The following EIF3E variants were observed in gnomAD, a reference collection of about 807,000 sequenced individuals.
The protein encoded by EIF3E is eIF-3 p48.
In EIF3E, 25 loss-of-function variants were observed where a neutral mutation model predicts 59.3. The observed-to-expected ratio is 0.42, with a 90% CI of 0.31 to 0.59. The LOEUF (loss-of-function observed/expected upper bound fraction) is 0.59. EIF3E is among the 20% of genes least tolerant of loss of function. The pLI is 0.15. For synonymous variants in EIF3E, 176 were observed against 170.2 expected (o/e 1.03, Z -0.26); for missense variants, 317 against 534.3 (o/e 0.59, Z 4.01).
At chr8:108,222,604 CT>C (rs1475201904) in intron 7 of EIF3E, among the ~76,000 whole-genome samples, 1 of 152,146 alleles carries the variant, frequency 6.6e-6, no homozygotes, top group East Asian at 1.9e-4. Flanking sequence ...TTTTGTTTTA[CT>C]TCCCTGGCTT....
At chr8:108,220,551 C>A (rs1175390006) in intron 7 of EIF3E, among the ~76,000 whole-genome samples, 1 of 152,176 alleles carries the variant, frequency 6.6e-6, no homozygotes, top group Non-Finnish European at 1.5e-5. Flanking sequence ...GACTTTACTG[C>A]AATATAAATT....
intron 3 of EIF3E, among the ~76,000 whole-genome samples, chr8:108,238,346 C>T (rs1489182235): frequency 6.6e-6 from 1 of 152,086 alleles, no homozygotes; most frequent in Non-Finnish European, 1.5e-5. Flanking sequence ...TACTCACGAG[C>T]CCCCTCAAAT....
rs966659842 is a variant in EIF3E, at chr8:108,201,755, A to G, written c.*130T>C. 1 of 784,520 alleles carries G rather than the reference A, an allele frequency of 1.3e-6. No homozygotes were observed. Among genetic ancestry groups the G allele is most frequent in the African/African-American group, 1.8e-5 (1 of 54,912 alleles). The allele number at this position is 784,520 out of a possible 1,614,324, so 48.6% of individuals were successfully genotyped here. ...ACTGACAGCAAGATAAAATGAATCA[A>G]TTTTATTCCAATTCTTCAAAATTTA... On this transcript the variant is annotated 3_prime_UTR_variant, in exon 13 of 13. Transcript: ENST00000220849.
At chr8:108,240,705 G>C (rs1046983043) in intron 2 of EIF3E, among the ~76,000 whole-genome samples, 4 of 152,336 alleles carry the variant, frequency 2.6e-5, no homozygotes, top group African/African-American at 9.6e-5. Flanking sequence ...AAATAGGCCA[G>C]GGGCAAGGGC....
At chr8:108,247,448 C>T (rs912316119) in intron 1 of EIF3E, among the ~76,000 whole-genome samples, 2 of 152,098 alleles carry the variant, frequency 1.3e-5, no homozygotes, top group African/African-American at 4.8e-5. Context: ...AAAAATATAT[C>T]AAGAGAAAGT....
chr8:108,219,820 C>T (rs1815372618), intron 7 of EIF3E, among the ~76,000 whole-genome samples: 1 of 151,742 alleles, frequency 6.6e-6, no homozygotes, highest in Non-Finnish European at 1.5e-5. Flanking sequence ...GGTGACAGAG[C>T]AAGACCCTGC....
intron 5 of EIF3E, chr8:108,233,635 A>C: frequency 2.5e-6 from 1 of 404,394 alleles, no homozygotes; most frequent in Non-Finnish European, 5.0e-6. Flanking sequence ...TCAGGCCAGG[A>C]GTTTGAGATC....
intron 6 of EIF3E, 147 bp from the exon 7 acceptor site, chr8:108,228,538 C>G: frequency 2.0e-6 from 1 of 512,548 alleles, no homozygotes; most frequent in Admixed American, 4.0e-5. Context: ...GTCCGACCCC[C>G]TATGCCTTCT....
intron 4 of EIF3E, among the ~76,000 whole-genome samples, chr8:108,235,390 C>T (rs615126): frequency 0.6 from 91,434 of 152,056 alleles, 27,621 homozygotes; most frequent in African/African-American, 0.67. Context: ...CATCAAGGCA[C>T]TAGCTGGATT....
intron 1 of EIF3E, chr8:108,242,595 C>T (rs1041053958): frequency 2.9e-5 from 34 of 1,168,356 alleles, no homozygotes; most frequent in Non-Finnish European, 3.1e-5. Flanking sequence ...AAGAAAATGC[C>T]ACAATATTTC....
At chr8:108,244,135 G>C (rs28445369) in intron 1 of EIF3E, among the ~76,000 whole-genome samples, 7,283 of 152,200 alleles carry the variant, frequency 0.048, 331 homozygotes, top group African/African-American at 0.12. Context: ...TAAAAATTTT[G>C]AAACAGAAAT....
intron 5 of EIF3E, chr8:108,233,424 G>A (rs1316536109): frequency 6.5e-6 from 1 of 153,004 alleles, no homozygotes; most frequent in Non-Finnish European, 1.5e-5. Context: ...TGCAACATGT[G>A]GAGCTACAAG....
At chr8:108,209,345 G>T (rs612249) in intron 10 of EIF3E, among the ~76,000 whole-genome samples, 27,886 of 151,852 alleles carry the variant, frequency 0.18, 2,869 homozygotes, top group Middle Eastern at 0.23. Context: ...TATTTCATTT[G>T]GAGAGTTATC....
At chr8:108,232,166 G>A (rs1402807868) in intron 5 of EIF3E, among the ~76,000 whole-genome samples, 5 of 152,072 alleles carry the variant, frequency 3.3e-5, no homozygotes, top group African/African-American at 1.2e-4. Flanking sequence ...AGATCTTGTG[G>A]TAGTGGCTAT....
intron 10 of EIF3E, among the ~76,000 whole-genome samples, chr8:108,207,027 C>T (rs894637952): frequency 6.6e-6 from 1 of 152,026 alleles, no homozygotes; most frequent in African/African-American, 2.4e-5. Flanking sequence ...CTTTACTTTT[C>T]GAAGTGAATC....
intron 1 of EIF3E, 119 bp downstream of exon 1, chr8:108,248,494 G>A (rs1815992955): frequency 3.2e-6 from 3 of 935,592 alleles, no homozygotes; most frequent in South Asian, 1.5e-5. Flanking sequence ...TGTCCGTCCA[G>A]GAACCAAACT....
chr8:108,226,681 T>C (rs1815522309), intron 7 of EIF3E, among the ~76,000 whole-genome samples: 1 of 152,216 alleles, frequency 6.6e-6, no homozygotes, highest in Non-Finnish European at 1.5e-5. Context: ...TTACTGGATG[T>C]TCAAATAAGG....
At chr8:108,245,533 T>C (rs1452864242) in intron 1 of EIF3E, among the ~76,000 whole-genome samples, 1 of 152,080 alleles carries the variant, frequency 6.6e-6, no homozygotes, top group Non-Finnish European at 1.5e-5. Flanking sequence ...ATATGCATTA[T>C]CTCATGTAAT....
intron 1 of EIF3E, among the ~76,000 whole-genome samples, chr8:108,248,354 C>A (rs1169377838): frequency 6.6e-6 from 1 of 152,170 alleles, no homozygotes; most frequent in Non-Finnish European, 1.5e-5. Context: ...ATGCGAAAAT[C>A]CCTCCCGCAC....
Sources: gnomAD v4.1 joint callset for allele counts (sites outside exome capture counted in the v4.1 genomes callset) on GRCh38, gnomAD v4.1.1 for gene constraint, MANE v1.5 for transcripts, NCBI Gene and HGNC (gene_info 2026-07-23, HGNC 2026-07-21) for gene names.